ELMO1: variants seen among roughly 807,000 people sequenced by gnomAD.
ELMO1 encodes engulfment and cell motility 1, also known as engulfment and cell motility protein 1.
ELMO1 carries 26 observed loss-of-function variants against 98.9 expected under a neutral mutation model. That is an observed-to-expected ratio of 0.26 (90% confidence interval 0.19 to 0.36). The LOEUF (loss-of-function observed/expected upper bound fraction) is 0.36, where lower values mean the gene tolerates loss of function less well. ELMO1 is among the 10% of genes least tolerant of loss of function. The pLI is 1.00. For synonymous variants in ELMO1, 346 were observed against 346.0 expected (o/e 1.00, Z 0.00); for missense variants, 627 against 935.2 (o/e 0.67, Z 4.30).
At chr7:36,958,820 C>CA (rs770644654) in intron 16 of ELMO1, among the ~76,000 whole-genome samples, 25 of 151,922 alleles carry the variant, frequency 1.6e-4, no homozygotes, top group Non-Finnish European at 2.4e-4. Context: ...GGCCCTTGGA[C>CA]CCCTTCCCTG....
intron 21 of ELMO1, among the ~76,000 whole-genome samples, chr7:36,856,089 A>G (rs1401009755): frequency 6.6e-6 from 1 of 152,340 alleles, no homozygotes; most frequent in African/African-American, 2.4e-5. Flanking sequence ...ATGACTTGCA[A>G]TGTAACACCT....
intron 15 of ELMO1, among the ~76,000 whole-genome samples, chr7:37,086,960 C>T (rs945270243): frequency 1.3e-5 from 2 of 152,058 alleles, no homozygotes; most frequent in African/African-American, 4.8e-5. Context: ...GTTTTCTAAC[C>T]AGGAAGAAAA....
intron 13 of ELMO1, among the ~76,000 whole-genome samples, chr7:37,163,556 T>C (rs564977242): frequency 5.3e-5 from 8 of 149,838 alleles, no homozygotes; most frequent in East Asian, 2.0e-4. Flanking sequence ...ATTGATCTCA[T>C]TGTTCAATTC....
intron 1 of ELMO1, among the ~76,000 whole-genome samples, chr7:37,424,673 G>C (rs1804631664): frequency 6.6e-6 from 1 of 152,150 alleles, no homozygotes; most frequent in Non-Finnish European, 1.5e-5. Context: ...AAAACCTACA[G>C]AGATGATTTT....
intron 16 of ELMO1, among the ~76,000 whole-genome samples, chr7:36,936,683 G>A (rs549165717): frequency 1.5e-3 from 228 of 152,134 alleles, no homozygotes; most frequent in African/African-American, 5.0e-3. Flanking sequence ...CAAACTCCTG[G>A]CCTCAAGCCA....
At chr7:36,952,496 C>G (rs921570793) in intron 16 of ELMO1, among the ~76,000 whole-genome samples, 2 of 152,128 alleles carry the variant, frequency 1.3e-5, no homozygotes, top group Admixed American at 1.3e-4. Context: ...ATGCCCAGCA[C>G]AGAGCAAACG....
At chr7:37,201,060 C>A (rs1584800278) in intron 13 of ELMO1, among the ~76,000 whole-genome samples, 1 of 152,028 alleles carries the variant, frequency 6.6e-6, no homozygotes, top group Middle Eastern at 3.4e-3. Flanking sequence ...TGCTCCCTAC[C>A]ATTAAAACAG....
intron 16 of ELMO1, among the ~76,000 whole-genome samples, chr7:37,009,061 A>AT (rs544463818): frequency 7.2e-4 from 107 of 149,616 alleles, no homozygotes; most frequent in South Asian, 3.4e-3. Flanking sequence ...CTCTCATTAC[A>AT]TTTTTTTTTT....
intron 16 of ELMO1, among the ~76,000 whole-genome samples, chr7:36,907,106 G>A (rs1249511857): frequency 6.6e-6 from 1 of 151,834 alleles, no homozygotes; most frequent in African/African-American, 2.4e-5. Context: ...CTTTGGTCCA[G>A]AAACTGAAGG....
chr7:37,096,496 A>G, intron 15 of ELMO1, 123 bp downstream of exon 15: 1 of 737,762 alleles, frequency 1.4e-6, no homozygotes, highest in Non-Finnish European at 2.3e-6. Context: ...TAATCAACCT[A>G]TCCACAGTGA....
chr7:37,173,725 T>C (rs1045524566), intron 13 of ELMO1, among the ~76,000 whole-genome samples: 1 of 152,242 alleles, frequency 6.6e-6, no homozygotes, highest in Non-Finnish European at 1.5e-5. Flanking sequence ...AAAACTTATA[T>C]AGAGAAGAGA....
intron 1 of ELMO1, among the ~76,000 whole-genome samples, chr7:37,374,681 C>T (rs904795162): frequency 6.6e-6 from 1 of 151,522 alleles, no homozygotes; most frequent in Non-Finnish European, 1.5e-5. Flanking sequence ...AACCCAGGAG[C>T]CGGAGGTTGC....
intron 16 of ELMO1, chr7:36,986,083 AT>A: frequency 1.0e-6 from 1 of 994,684 alleles, no homozygotes; most frequent in Non-Finnish European, 1.2e-6. Flanking sequence ...CAGTTGAGCC[AT>A]GTGAACAGAG....
intron 16 of ELMO1, among the ~76,000 whole-genome samples, chr7:36,997,562 A>G (rs1792313002): frequency 6.6e-6 from 1 of 152,052 alleles, no homozygotes; most frequent in African/African-American, 2.4e-5. Context: ...TTGTGGTGTC[A>G]CTCCTGGAGT....
intron 16 of ELMO1, 31 bp from the exon 17 acceptor site, chr7:36,895,048 TG>T: frequency 1.9e-6 from 3 of 1,610,852 alleles, no homozygotes; most frequent in Middle Eastern, 2.0e-4. Context: ...ATCATTTTCC[TG>T]GGGGCTGACC....
intron 13 of ELMO1, among the ~76,000 whole-genome samples, chr7:37,154,377 G>C (rs188444931): frequency 6.6e-6 from 1 of 151,320 alleles, no homozygotes; most frequent in Non-Finnish European, 1.5e-5. Flanking sequence ...CGAGCTAAAG[G>C]AGCATGTTCT....
intron 4 of ELMO1, among the ~76,000 whole-genome samples, chr7:37,281,237 C>T (rs1041923200): frequency 6.8e-6 from 1 of 146,874 alleles, no homozygotes; most frequent in East Asian, 2.0e-4. Flanking sequence ...GGGGGAAGAG[C>T]GGGAGGGGGG....
intron 13 of ELMO1, among the ~76,000 whole-genome samples, chr7:37,206,116 C>CA (rs918056082): frequency 5.3e-5 from 8 of 152,148 alleles, no homozygotes; most frequent in African/African-American, 1.9e-4. Flanking sequence ...TGTCACAGAG[C>CA]ACTGGACGCC....
chr7:37,211,866 T>C (rs1048675980), intron 12 of ELMO1, among the ~76,000 whole-genome samples: 1 of 152,138 alleles, frequency 6.6e-6, no homozygotes, highest in African/African-American at 2.4e-5. Context: ...GGGGATACTG[T>C]ACAGTTGGGA....
Sources: gnomAD v4.1 joint callset for allele counts (sites outside exome capture counted in the v4.1 genomes callset) on GRCh38, gnomAD v4.1.1 for gene constraint, MANE v1.5 for transcripts, NCBI Gene and HGNC (gene_info 2026-07-23, HGNC 2026-07-21) for gene names.